Variants in RBM33 observed in about 807,000 individuals in gnomAD.
The protein encoded by RBM33 is RNA binding motif protein 33, also known as RNA-binding protein 33.
RBM33 carries 28 observed loss-of-function variants against 132.6 expected under a neutral mutation model. The ratio of observed to expected loss-of-function variants is 0.21; its 90% confidence interval spans 0.16 to 0.29. The LOEUF (loss-of-function observed/expected upper bound fraction) is 0.29, where lower values mean the gene tolerates loss of function less well. Among genes scored for constraint, RBM33 ranks in the 10% least tolerant of loss-of-function variants. RBM33 has a pLI of 1.00. For missense variants in RBM33, 1,291 were observed against 1,518.5 expected (o/e 0.85, Z 2.49); for synonymous variants, 634 against 593.0 (o/e 1.07, Z -1.01).
At chr7:155,690,089 T>C (rs1413624626) in intron 5 of RBM33, among the ~76,000 whole-genome samples, 1 of 152,184 alleles carries the variant, frequency 6.6e-6, no homozygotes, top group Non-Finnish European at 1.5e-5. Flanking sequence ...CTCCCGTTAT[T>C]ATTGTGTGGG....
intron 5 of RBM33, among the ~76,000 whole-genome samples, chr7:155,688,591 C>T (rs1799543250): frequency 1.3e-5 from 2 of 152,122 alleles, no homozygotes; most frequent in African/African-American, 2.4e-5. Flanking sequence ...TTTGCCCATT[C>T]AGTATGATAT....
chr7:155,732,746 G>T (rs1800992085), intron 9 of RBM33, among the ~76,000 whole-genome samples: 3 of 152,346 alleles, frequency 2.0e-5, no homozygotes, highest in Middle Eastern at 3.4e-3. Flanking sequence ...CGGCAAGGAT[G>T]CCGAGGGCCT....
chr7:155,774,220 G>A lies in RBM33; in HGVS notation c.3376-339G>A, dbSNP rs541898596. On this transcript the variant is annotated intron_variant, in intron 16 of 17. Transcript: ENST00000401878. The surrounding 1 kb of genome is among the most constrained non-coding windows in gnomAD (Gnocchi z 4.2). ...ATTAAAAATCACCTGATAAGAAGGC[G>A]TGAGAAGAGGAGATGTCTCTATCCA... is the stretch of plus-strand genomic sequence containing the variant. Among the ~76,000 whole-genome samples, 4 of 152,320 alleles carry A rather than the reference G, an allele frequency of 2.6e-5. No individual in the cohort carries two copies. The highest frequency in any genetic ancestry group is 2.9e-5 in the Non-Finnish European group (2 of 68,024).
At chr7:155,695,977 C>A (rs1344100390) in intron 5 of RBM33, among the ~76,000 whole-genome samples, 1 of 152,044 alleles carries the variant, frequency 6.6e-6, no homozygotes, top group Non-Finnish European at 1.5e-5. Context: ...TTTTTCCATA[C>A]GTTTTTCTAA....
At chr7:155,648,463 A>T (rs947608469) in intron 1 of RBM33, among the ~76,000 whole-genome samples, 7 of 152,218 alleles carry the variant, frequency 4.6e-5, no homozygotes, top group Non-Finnish European at 1.0e-4. Context: ...AGTATGAAGC[A>T]TGGTGCAGAA....
At chr7:155,685,490 G>GA (rs1249086202) in intron 5 of RBM33, among the ~76,000 whole-genome samples, 1 of 152,144 alleles carries the variant, frequency 6.6e-6, no homozygotes, top group Non-Finnish European at 1.5e-5. Context: ...ATATAGGAGA[G>GA]AAAAAAGACC....
At chr7:155,693,332 C>CTTTTTTTTTTTTTTTTTTTTTTTT (rs11417256) in intron 5 of RBM33, among the ~76,000 whole-genome samples, 1 of 146,716 alleles carries the variant, frequency 6.8e-6, no homozygotes. Flanking sequence ...ATTTTTTTTT[C>CTTTTTTTTTTTTTTTTTTTTTTTT]TTTTTTTTTT....
chr7:155,710,982 A>G (rs1777569491), intron 7 of RBM33, among the ~76,000 whole-genome samples: 3 of 151,270 alleles, frequency 2.0e-5, no homozygotes, highest in Admixed American at 2.0e-4. Flanking sequence ...GATTGACTCA[A>G]TTGTGAGACT....
intron 9 of RBM33, 25 bp from the exon 10 acceptor site, chr7:155,737,505 C>G (rs199634905): frequency 1.3e-4 from 205 of 1,563,760 alleles, no homozygotes; most frequent in Admixed American, 3.1e-4. Flanking sequence ...CACCCTGTTT[C>G]TCTGTTGTTG....
At chr7:155,688,062 T>C (rs921172705) in intron 5 of RBM33, among the ~76,000 whole-genome samples, 3 of 152,218 alleles carry the variant, frequency 2.0e-5, no homozygotes, top group Non-Finnish European at 2.9e-5. Flanking sequence ...TAAATTACCT[T>C]GGACAGTATG....
At chr7:155,717,268 C>T (rs1237914207) in intron 8 of RBM33, among the ~76,000 whole-genome samples, 4 of 152,112 alleles carry the variant, frequency 2.6e-5, no homozygotes, top group Admixed American at 6.6e-5. Flanking sequence ...AGTCCAAGTT[C>T]GAGGTGTGGG....
intron 9 of RBM33, among the ~76,000 whole-genome samples, chr7:155,734,210 C>G (rs1159352719): frequency 6.6e-6 from 1 of 152,234 alleles, no homozygotes; most frequent in Non-Finnish European, 1.5e-5. Context: ...GAGATCATCC[C>G]CGGCAGGCGG....
chr7:155,666,338 A>G (rs534053436), intron 2 of RBM33, among the ~76,000 whole-genome samples: 24 of 152,322 alleles, frequency 1.6e-4, no homozygotes, highest in African/African-American at 5.3e-4. Flanking sequence ...GAATTTGCCC[A>G]ACTCCAACTT....
intron 9 of RBM33, among the ~76,000 whole-genome samples, chr7:155,726,851 G>A (rs1484442217): frequency 6.6e-6 from 1 of 152,254 alleles, no homozygotes; most frequent in African/African-American, 2.4e-5. Flanking sequence ...AACCAAGAGT[G>A]TGAGAATGTG....
At chr7:155,707,639 G>A (rs1206185402) in intron 7 of RBM33, among the ~76,000 whole-genome samples, 3 of 152,062 alleles carry the variant, frequency 2.0e-5, no homozygotes, top group Admixed American at 2.0e-4. Flanking sequence ...AACAAAGACA[G>A]AAATTATTGA....
At chr7:155,772,717 T>C (rs1487298333) in intron 16 of RBM33, among the ~76,000 whole-genome samples, 1 of 152,254 alleles carries the variant, frequency 6.6e-6, no homozygotes, top group Non-Finnish European at 1.5e-5. Flanking sequence ...CCAATTCCGT[T>C]ACTGCCTAGT....
chr7:155,719,217 C>T (rs1800553358), intron 9 of RBM33, among the ~76,000 whole-genome samples: 1 of 151,714 alleles, frequency 6.6e-6, no homozygotes, highest in Non-Finnish European at 1.5e-5. Context: ...AATGTACTGA[C>T]CATAAAATTT....
Position 155,661,146 on chromosome 7 carries a change from A to ATATATTTTTTTTTTTT in RBM33, c.44-4028_44-4027insATATTTTTTTTTTTTT, listed in dbSNP as rs1421586760. Among the ~76,000 whole-genome samples the ATATATTTTTTTTTTTT allele has an allele frequency of 3.7e-5, 3 of 81,178 alleles. 1 individual carries two copies. Among genetic ancestry groups the ATATATTTTTTTTTTTT allele is most frequent in the Non-Finnish European group, 7.7e-5 (3 of 39,092 alleles). The allele number at this position is 81,178 out of a possible 152,430, so 53.3% of individuals were successfully genotyped here. A position where few individuals can be genotyped will look rare whatever the true frequency, so the allele number is the denominator to read the frequency against. ...TGTGTGTGTGTATATATATATATAT[A>ATATATTTTTTTTTTTT]TTTTTTTTTTTTTGAGACAGAGTCT... On this transcript the variant is annotated intron_variant, in intron 1 of 17. Transcript: ENST00000401878.
At chr7:155,701,038 G>T in intron 6 of RBM33, 94 bp downstream of exon 6, 2 of 1,148,014 alleles carry the variant, frequency 1.7e-6, no homozygotes, top group South Asian at 2.6e-5. Context: ...AAAGAAGGTT[G>T]ACTAGGTAAT....
Sources: allele counts gnomAD v4.1 joint callset (sites outside exome capture counted in the v4.1 genomes callset), GRCh38; gene constraint gnomAD v4.1.1; non-coding constraint Gnocchi (gnomAD v3.1); transcripts MANE v1.5; gene names NCBI Gene and HGNC (gene_info 2026-07-23, HGNC 2026-07-21).